Variants in ASTN1 observed in about 807,000 individuals in gnomAD.
ASTN1 encodes astrotactin-1.
In ASTN1, 41 loss-of-function variants were observed where a neutral mutation model predicts 140.7. The observed-to-expected ratio is 0.29, with a 90% CI of 0.23 to 0.38. The LOEUF (loss-of-function observed/expected upper bound fraction) is 0.38, where lower values mean the gene tolerates loss of function less well. Among genes scored for constraint, ASTN1 ranks in the 10% least tolerant of loss-of-function variants. ASTN1 has a pLI of 1.00. For synonymous variants in ASTN1, 640 were observed against 652.2 expected (o/e 0.98, Z 0.29); for missense variants, 1,479 against 1,678.8 (o/e 0.88, Z 2.08).
rs542750564 is a variant in ASTN1 at position 176,895,093 on chromosome 1, C to T, written c.2672-263G>A. 1.8e-4 allele frequency among the ~76,000 whole-genome samples: 27 copies of T among 152,290 alleles called. No individual in the cohort carries two copies. The East Asian group carries it at 3.9e-3, about 22-fold the overall frequency. The stretch of plus-strand genomic sequence containing the variant: ...AGCTCCACTGAATCTCTAGAGGGAT[C>T]GGGCTCCATGCTGATGACCCTCAGC... On this transcript the variant is annotated intron_variant, in intron 16 of 22. Coordinates refer to ENST00000361833, the MANE Select transcript of ASTN1 (RefSeq NM_004319.3).
Position 176,872,272 on chromosome 1 carries a change from T to A in ASTN1, c.3464-3245A>T, listed in dbSNP as rs572851285. Among the ~76,000 whole-genome samples the A allele has an allele frequency of 1.1e-4, 16 of 152,270 alleles. No individual in the cohort carries two copies. In the East Asian group the frequency reaches 2.9e-3, roughly 28 times the overall value. On this transcript the variant is annotated intron_variant, in intron 21 of 22. Transcript: ENST00000361833. ...TTATTGATTTATCAACTAAAATTGT[T>A]TTCGAGTGCTTACTATGTGCCTGAC...
At chr1:177,144,402 G>A (rs1449241247) in intron 1 of ASTN1, among the ~76,000 whole-genome samples, 1 of 151,572 alleles carries the variant, frequency 6.6e-6, no homozygotes, top group African/African-American at 2.4e-5. Context: ...ACAGGCACCA[G>A]CCACCGCGCC....
At chr1:177,140,769 G>A (rs1682430250) in intron 1 of ASTN1, among the ~76,000 whole-genome samples, 1 of 152,206 alleles carries the variant, frequency 6.6e-6, no homozygotes, top group African/African-American at 2.4e-5. Flanking sequence ...TGCTATTAGA[G>A]CTGAGACTTC....
chr1:176,970,744 G>GTA (rs905143769), intron 8 of ASTN1, among the ~76,000 whole-genome samples: 5 of 151,650 alleles, frequency 3.3e-5, no homozygotes, highest in Admixed American at 1.3e-4. Context: ...GTGTGTGTGT[G>GTA]TGTGTGTGTG....
intron 8 of ASTN1, among the ~76,000 whole-genome samples, chr1:176,988,274 C>T (rs1182776887): frequency 7.0e-6 from 1 of 142,078 alleles, no homozygotes; most frequent in East Asian, 2.0e-4. Context: ...AAGGACCCTG[C>T]CAAAACTCCA....
chr1:177,032,803 A>T lies in ASTN1; in HGVS notation c.518T>A (p.Ile173Asn). 6.2e-7 allele frequency: 1 copy of T among 1,611,992 alleles called. No homozygotes were observed. The highest frequency in any genetic ancestry group is 8.5e-7 in the Non-Finnish European group (1 of 1,179,596). The change falls in exon 3 of 23, where the codon ATC becomes AAC. Residue 173 changes from isoleucine (I) to asparagine (N), a missense_variant. Ile to Asn is a moderately radical substitution (Grantham distance 149, BLOSUM62 -3). This residue lies in a region of ASTN1 where 729 missense variants were observed against 860.4 expected (regional missense o/e 0.85). Transcript: ENST00000361833. ...LLLSILCLVMILYTRRRWCKR... is the reference protein window; with the variant it reads ...LLLSILCLVMNLYTRRRWCKR... The stretch of plus-strand genomic sequence containing the variant: ...GCACCAGCGCCGGCGAGTATACAGG[A>T]TCATCACCAGGCACAAGATGGACAG...
chr1:176,901,346 T>G (rs766678632), intron 16 of ASTN1, among the ~76,000 whole-genome samples: 5 of 152,196 alleles, frequency 3.3e-5, no homozygotes, highest in African/African-American at 4.8e-5. Context: ...GGTCTTGTGC[T>G]GAAGGGCAGA....
chr1:176,913,501 G>A (rs1285352517), intron 16 of ASTN1, among the ~76,000 whole-genome samples: 1 of 151,928 alleles, frequency 6.6e-6, no homozygotes, highest in Non-Finnish European at 1.5e-5. Context: ...TGTGATAATA[G>A]TAATAATAAC....
chr1:177,044,174 A>T (rs1376861202), intron 2 of ASTN1, among the ~76,000 whole-genome samples: 2 of 94,864 alleles, frequency 2.1e-5, no homozygotes, highest in African/African-American at 3.3e-5. Flanking sequence ...TGAAAAAAAA[A>T]ATACACACAC....
chr1:177,020,209 G>C (rs189716663), intron 7 of ASTN1, among the ~76,000 whole-genome samples: 1 of 152,220 alleles, frequency 6.6e-6, no homozygotes. Flanking sequence ...TCCTTCCTTA[G>C]TGTATAAGTT....
rs560876589 is a variant in ASTN1, at chr1:176,862,950, G to A, written c.*1334C>T. 2.0e-6 allele frequency: 2 copies of A among 985,502 alleles called. No homozygotes were observed. Among genetic ancestry groups the A allele is most frequent in the African/African-American group, 3.5e-5 (2 of 57,376 alleles). 61.0% of individuals were successfully genotyped at this position (985,502 alleles called of 1,614,324 possible). Reference sequence around the variant, plus strand: ...GGTCAAAGGCATGGTGGCTGAAGGTGTGTGTTCAGGCCACTGAGTTGTGTG... The same window carrying A: ...GGTCAAAGGCATGGTGGCTGAAGGTATGTGTTCAGGCCACTGAGTTGTGTG... On this transcript the variant is annotated 3_prime_UTR_variant, in exon 23 of 23. Transcript: ENST00000361833.
chr1:177,048,802 G>A (rs368351806), intron 2 of ASTN1, among the ~76,000 whole-genome samples: 17 of 152,182 alleles, frequency 1.1e-4, no homozygotes, highest in African/African-American at 3.9e-4. Context: ...GAGACACAGA[G>A]GAGCAGAGCC....
intron 1 of ASTN1, among the ~76,000 whole-genome samples, chr1:177,098,438 C>T (rs1386751091): frequency 6.6e-6 from 1 of 152,150 alleles, no homozygotes; most frequent in African/African-American, 2.4e-5. Flanking sequence ...GCAAAGCTGA[C>T]ATGTTAACTA....
chr1:176,862,466 C>T lies in ASTN1; in HGVS notation c.*1818G>A, dbSNP rs1571424287. The T allele has an allele frequency of 1.0e-6, 1 of 985,426 alleles. No homozygotes were observed. The highest frequency in any genetic ancestry group is 1.1e-4 in the East Asian group (1 of 8,772). The allele number at this position is 985,426 out of a possible 1,614,324, so 61.0% of individuals were successfully genotyped here. On this transcript the variant is annotated 3_prime_UTR_variant, in exon 23 of 23. Transcript: ENST00000361833. ...CCTTCCACTGCACAGAGGACATGTC[C>T]ATGCCACAGATGCTTGGGAAAGGTA...
chr1:176,926,971 A>G (rs1469345582), intron 16 of ASTN1, among the ~76,000 whole-genome samples: 1 of 152,226 alleles, frequency 6.6e-6, no homozygotes, highest in African/African-American at 2.4e-5. Flanking sequence ...AGGTCTGTTT[A>G]CTATCCTGGG....
chr1:177,140,259 A>G (rs1362834634), intron 1 of ASTN1, among the ~76,000 whole-genome samples: 4 of 152,202 alleles, frequency 2.6e-5, no homozygotes, highest in African/African-American at 7.2e-5. Flanking sequence ...AAAAGACATT[A>G]TAATCTTTTA....
At chr1:176,891,887 G>A (rs1316876731) in intron 17 of ASTN1, among the ~76,000 whole-genome samples, 1 of 152,116 alleles carries the variant, frequency 6.6e-6, no homozygotes, top group African/African-American at 2.4e-5. Flanking sequence ...CACACAATGG[G>A]AATTACATGA....
chr1:177,144,401 A>G (rs1299329764), intron 1 of ASTN1, among the ~76,000 whole-genome samples: 1 of 151,438 alleles, frequency 6.6e-6, no homozygotes, highest in Non-Finnish European at 1.5e-5. Context: ...TACAGGCACC[A>G]GCCACCGCGC....
At chr1:176,868,468 AC>A (rs917651471) in intron 22 of ASTN1, among the ~76,000 whole-genome samples, 2 of 152,164 alleles carry the variant, frequency 1.3e-5, no homozygotes, top group Non-Finnish European at 2.9e-5. Context: ...CATATGAAAA[AC>A]CTAAATGCAA....
Sources: gnomAD v4.1 joint callset for allele counts (sites outside exome capture counted in the v4.1 genomes callset) on GRCh38, gnomAD v4.1.1 for gene constraint, gnomAD v4.1.1 regional missense constraint, MANE v1.5 for transcripts, NCBI Gene and HGNC (gene_info 2026-07-23, HGNC 2026-07-21) for gene names.